VCPKMT: variants seen among roughly 807,000 people sequenced by gnomAD.
VCPKMT encodes protein N-lysine methyltransferase METTL21D.
A neutral mutation model predicts 28.6 loss-of-function variants in VCPKMT; 32 were observed. The ratio of observed to expected loss-of-function variants is 1.12; its 90% CI spans 0.84 to 1.50. The LOEUF is 1.50. VCPKMT is among the 40% of genes most tolerant of loss of function. The pLI is 0.00. For synonymous variants in VCPKMT, 138 were observed against 111.4 expected (o/e 1.24, Z -1.50); for missense variants, 366 against 285.0 (o/e 1.28, Z -2.05).
chr14:50,111,652 C>A (rs1882670912), intron 5 of VCPKMT: 1 of 979,206 alleles, frequency 1.0e-6, no homozygotes, highest in Non-Finnish European at 1.2e-6. Flanking sequence ...CCGAGGTGGG[C>A]AGGTCACTGG....
chr14:50,105,857 T>C (rs573201076), downstream of VCPKMT, among the ~76,000 whole-genome samples: 1 of 152,320 alleles, frequency 6.6e-6, no homozygotes, highest in South Asian at 2.1e-4. Flanking sequence ...AGCATCACCT[T>C]TGCCTTCTTG....
Position 50,108,920 on chromosome 14 carries a change from T to A in VCPKMT, c.*779A>T. 1 of 985,466 alleles carries A rather than the reference T, an allele frequency of 1.0e-6. No homozygotes were observed. The highest frequency in any genetic ancestry group is 4.7e-5 in the South Asian group (1 of 21,290). The allele number at this position is 985,466 out of a possible 1,614,324, so 61.0% of individuals were successfully genotyped here. On this transcript the variant is annotated 3_prime_UTR_variant, in exon 6 of 6. Coordinates refer to ENST00000395860, the MANE Select transcript of VCPKMT (RefSeq NM_024558.3). Reference sequence around the variant, plus strand: ...TTTTAAGCCAGATTTTCCTGGAACATATACATAAAGTGCATGAGCCACGTA... The same window carrying A: ...TTTTAAGCCAGATTTTCCTGGAACAAATACATAAAGTGCATGAGCCACGTA...
chr14:50,115,682 A>G (rs1176373744), intron 3 of VCPKMT, among the ~76,000 whole-genome samples, 157 bp downstream of exon 3: 3 of 152,226 alleles, frequency 2.0e-5, no homozygotes, highest in Admixed American at 6.5e-5. Context: ...GCGTATATAC[A>G]TATGGTCCCT....
rs1566810978 is a variant in VCPKMT, at chr14:50,116,211, C to A, written c.267-32G>T. Reference sequence around the variant, plus strand: ...AATAACGTCGACTGAGGTGTAGGCACAGGGGGGAAAGCCTGTAATCCGGAT... The same window carrying A: ...AATAACGTCGACTGAGGTGTAGGCAAAGGGGGGAAAGCCTGTAATCCGGAT... On this transcript the variant is annotated intron_variant, in intron 1 of 5. Transcript: ENST00000395860. 2.5e-6 allele frequency: 4 copies of A among 1,613,310 alleles called. No homozygotes were observed. The Admixed American group carries it at 5.0e-5, about 20-fold the overall frequency.
chr14:50,105,166 GAAC>G (rs952023446), downstream of VCPKMT, among the ~76,000 whole-genome samples: 1 of 151,994 alleles, frequency 6.6e-6, no homozygotes, highest in Non-Finnish European at 1.5e-5. Context: ...GTGGCCTTTA[GAAC>G]AACAGATGTT....
In VCPKMT at chr14:50,116,542, G is replaced by A. The variant is rs1299676464; in HGVS notation, c.11C>T (p.Thr4Met). 2 of 1,606,890 alleles carry A rather than the reference G, an allele frequency of 1.2e-6. No individual in the cohort carries two copies. The highest frequency in any genetic ancestry group is 2.2e-5 in the East Asian group (1 of 44,676). Reference protein sequence around the residue: MADTLESSLEDPLR... With the variant: MADMLESSLEDPLR... ...TGGGTCCTCCAGCGAGGACTCCAGC[G>A]TATCCGCCATTGCGCCCGGCAACAG... is the stretch of plus-strand genomic sequence containing the variant. Residue 4 changes from threonine to methionine, a missense_variant, in exon 1 of 6, where the codon ACG (threonine) becomes ATG (methionine). Physicochemically the swap from Thr to Met is moderately conservative, Grantham distance 81. Transcript: ENST00000395860.
downstream of VCPKMT, among the ~76,000 whole-genome samples, chr14:50,106,996 A>T (rs1310688758): frequency 1.3e-5 from 2 of 152,256 alleles, no homozygotes; most frequent in Non-Finnish European, 2.9e-5. Flanking sequence ...CTGGGATTAC[A>T]GGCATGAGCC....
chr14:50,112,719 G>A lies in VCPKMT; in HGVS notation c.571C>T (p.Leu191Phe). ...NPEIEKKYFELLQLDFDFEKI... is the reference protein window; with the variant it reads ...NPEIEKKYFEFLQLDFDFEKI... ...TCAAAGTCAAAATCTAGCTGAAGGA[G>A]CTATAAATTTAAAAGAGACATACTT... The change falls in exon 5 of 6, where the codon CTC (leucine) becomes TTC (phenylalanine). Residue 191 changes from leucine to phenylalanine, a missense_variant and splice_region_variant. Transcript: ENST00000395860. 1 of 1,554,324 alleles carries A rather than the reference G, an allele frequency of 6.4e-7. No individual in the cohort carries two copies. Among genetic ancestry groups the A allele is most frequent in the Non-Finnish European group, 8.7e-7 (1 of 1,144,510 alleles).
intron 5 of VCPKMT, chr14:50,111,822 G>A: frequency 1.2e-6 from 1 of 831,334 alleles, no homozygotes; most frequent in African/African-American, 1.8e-5. Flanking sequence ...CTGCAAGGCA[G>A]AGGCTGCAGC....
chr14:50,105,055 G>C (rs1378114788), downstream of VCPKMT, among the ~76,000 whole-genome samples: 1 of 151,060 alleles, frequency 6.6e-6, no homozygotes, highest in Non-Finnish European at 1.5e-5. Flanking sequence ...ATCTAATTTC[G>C]TTCACCTTTA....
chr14:50,111,192 A>T, intron 5 of VCPKMT: 1 of 943,164 alleles, frequency 1.1e-6, no homozygotes, highest in Non-Finnish European at 1.2e-6. Flanking sequence ...CGAAAAAAAA[A>T]AAAAAGCCTC....
chr14:50,112,159 G>T lies in VCPKMT; in HGVS notation c.675+456C>A. ...ATTTTAAAATCTCACAGAGATAAAA[G>T]AAACTTATAAATAGCTAATAACTTG... On this transcript the variant is annotated intron_variant, in intron 5 of 5. Coordinates refer to ENST00000395860, the MANE Select transcript of VCPKMT (RefSeq NM_024558.3). 5 of 710,490 alleles carry T rather than the reference G, an allele frequency of 7.0e-6. No homozygotes were observed. The South Asian group carries it at 2.6e-4, about 37-fold the overall frequency. 44.0% of individuals were successfully genotyped at this position (710,490 alleles called of 1,614,324 possible).
intron 1 of VCPKMT, 37 bp downstream of exon 1, chr14:50,116,250 A>G (rs755045193): frequency 6.2e-7 from 1 of 1,610,376 alleles, no homozygotes; most frequent in African/African-American, 1.3e-5. Context: ...CCCAGCAAGA[A>G]GGCGCCCCCA....
At chr14:50,111,561 T>C in intron 5 of VCPKMT, 1 of 985,356 alleles carries the variant, frequency 1.0e-6, no homozygotes, top group Middle Eastern at 5.2e-4. Context: ...TAGTCACATA[T>C]ACCAAAGGTG....
chr14:50,111,653 AG>A (rs1365000234), intron 5 of VCPKMT: 1 of 974,570 alleles, frequency 1.0e-6, no homozygotes, highest in Non-Finnish European at 1.2e-6. Flanking sequence ...CGAGGTGGGC[AG>A]GTCACTGGAG....
chr14:50,112,520 C>A, intron 5 of VCPKMT, 95 bp downstream of exon 5: 1 of 695,356 alleles, frequency 1.4e-6, no homozygotes, highest in Non-Finnish European at 2.4e-6. Context: ...TGTTTCTCCA[C>A]ATCAAAATCA....
At chr14:50,106,441 C>T (rs1882322044), downstream of VCPKMT, 2 of 531,514 alleles carry the variant, frequency 3.8e-6, no homozygotes, top group South Asian at 1.6e-4. Context: ...GTGGCATCAC[C>T]TTATCCATTG....
intron 2 of VCPKMT, 64 bp from the exon 3 acceptor site, chr14:50,115,975 G>C (rs1396755637): frequency 6.3e-7 from 1 of 1,597,166 alleles, no homozygotes; most frequent in Non-Finnish European, 8.6e-7. Flanking sequence ...GTTTTATAAA[G>C]AACCGGAAAG....
At chr14:50,107,224 T>A (rs890133933), downstream of VCPKMT, among the ~76,000 whole-genome samples, 1 of 152,210 alleles carries the variant, frequency 6.6e-6, no homozygotes, top group African/African-American at 2.4e-5. Context: ...CATTCACTGG[T>A]CCTAACCATC....
Sources: allele counts gnomAD v4.1 joint callset (sites outside exome capture counted in the v4.1 genomes callset), GRCh38; gene constraint gnomAD v4.1.1; transcripts MANE v1.5; gene names NCBI Gene and HGNC (gene_info 2026-07-23, HGNC 2026-07-21).